Variants in MTUS2 observed in about 807,000 individuals in gnomAD.
MTUS2 encodes the protein microtubule-associated tumor suppressor candidate 2.
Under a neutral mutation model 114.1 loss-of-function variants are expected in MTUS2, and 40 were observed. The ratio of observed to expected loss-of-function variants is 0.35; its 90% CI spans 0.27 to 0.46. The LOEUF (loss-of-function observed/expected upper bound fraction) is 0.46, where lower values mean the gene tolerates loss of function less well. Among genes scored for constraint, MTUS2 ranks in the 20% least tolerant of loss-of-function variants. The probability of loss-of-function intolerance (pLI) is 1.00; values close to 1 mark genes in which losing one functional copy is unlikely to be tolerated. For synonymous variants in MTUS2, 688 were observed against 672.0 expected (o/e 1.02, Z -0.37); for missense variants, 1,679 against 1,705.4 (o/e 0.98, Z 0.27).
chr13:28,906,233 G>T (rs555538192), intron 2 of MTUS2, among the ~76,000 whole-genome samples: 1 of 151,470 alleles, frequency 6.6e-6, no homozygotes, highest in East Asian at 1.9e-4. Context: ...TTTTTGAAGT[G>T]TTTTTTATGT....
intron 8 of MTUS2, among the ~76,000 whole-genome samples, chr13:29,383,442 C>A (rs555155265): frequency 4.1e-4 from 62 of 152,134 alleles, no homozygotes; most frequent in African/African-American, 1.4e-3. Flanking sequence ...GGCCCTGCAG[C>A]AAGAGAGAAT....
At chr13:29,361,599 G>A (rs1228768489) in intron 8 of MTUS2, among the ~76,000 whole-genome samples, 1 of 152,128 alleles carries the variant, frequency 6.6e-6, no homozygotes, top group African/African-American at 2.4e-5. Flanking sequence ...GTGTGACATG[G>A]GGTGGAGAAC....
At chr13:29,301,041 T>C (rs1011147022) in intron 6 of MTUS2, among the ~76,000 whole-genome samples, 3 of 152,190 alleles carry the variant, frequency 2.0e-5, no homozygotes, top group African/African-American at 7.2e-5. Context: ...TCTTTCATCT[T>C]TAACCCACCA....
intron 4 of MTUS2, among the ~76,000 whole-genome samples, chr13:29,098,622 A>G (rs1890281294): frequency 6.6e-6 from 1 of 152,314 alleles, no homozygotes; most frequent in South Asian, 2.1e-4. Flanking sequence ...CCCCGTCTCT[A>G]CATGTTCCAG....
rs147031468 is a variant in MTUS2 at position 29,036,100 on chromosome 13, C to T, written c.2446+1975C>T. Among the ~76,000 whole-genome samples, 5 of 147,818 alleles carry T rather than the reference C, an allele frequency of 3.4e-5. No homozygotes were observed. In the East Asian group the frequency reaches 1.0e-3, roughly 30 times the overall value. On this transcript the variant is annotated intron_variant, in intron 4 of 15. Coordinates refer to ENST00000612955, the MANE Select transcript of MTUS2 (RefSeq NM_001033602.4). Reference sequence around the variant, plus strand: ...CAGAGGCTACAGTGAGCCGAGATCGCACCACTGCACTCCAGCCTGGGCCAC... The same window carrying T: ...CAGAGGCTACAGTGAGCCGAGATCGTACCACTGCACTCCAGCCTGGGCCAC...
At chr13:29,098,876 C>T (rs1006170387) in intron 4 of MTUS2, among the ~76,000 whole-genome samples, 2 of 152,090 alleles carry the variant, frequency 1.3e-5, no homozygotes, top group African/African-American at 4.8e-5. Flanking sequence ...TCATATTCTC[C>T]TCACTCGATT....
chr13:28,820,238 C>T (rs1222244457), upstream of MTUS2: 1 of 146,474 alleles, frequency 6.8e-6, no homozygotes, highest in African/African-American at 2.5e-5. Context: ...CCCGGCTGCG[C>T]CCCGGCCCTC....
chr13:28,868,805 T>A (rs563958462), intron 2 of MTUS2, among the ~76,000 whole-genome samples: 11 of 152,346 alleles, frequency 7.2e-5, no homozygotes, highest in Non-Finnish European at 1.2e-4. Context: ...CAGTTTTATA[T>A]AAGGTCCCTA....
chr13:29,157,372 G>A (rs1427652106), intron 5 of MTUS2, among the ~76,000 whole-genome samples: 2 of 152,054 alleles, frequency 1.3e-5, no homozygotes, highest in Non-Finnish European at 2.9e-5. Flanking sequence ...ACCAGCCCTT[G>A]GTGTTTTTGA....
chr13:29,368,519 A>C (rs565146799), intron 8 of MTUS2, among the ~76,000 whole-genome samples: 103 of 152,316 alleles, frequency 6.8e-4, no homozygotes, highest in African/African-American at 2.4e-3. Flanking sequence ...AGAAATGATA[A>C]ATGTTTGAGG....
At chr13:28,861,872 T>A (rs2138068528) in intron 2 of MTUS2, among the ~76,000 whole-genome samples, 1 of 152,332 alleles carries the variant, frequency 6.6e-6, no homozygotes, top group Non-Finnish European at 1.5e-5. Context: ...CTGGTTTCCC[T>A]GACCCGTCCC....
At chr13:28,985,262 G>A (rs1162016321) in intron 2 of MTUS2, among the ~76,000 whole-genome samples, 1 of 152,154 alleles carries the variant, frequency 6.6e-6, no homozygotes, top group East Asian at 1.9e-4. Flanking sequence ...CTTTGAATCT[G>A]GCTGTATATG....
chr13:29,319,717 C>T (rs1216658362), intron 6 of MTUS2, among the ~76,000 whole-genome samples: 2 of 152,128 alleles, frequency 1.3e-5, no homozygotes, highest in Non-Finnish European at 2.9e-5. Context: ...CAAAGGTCAG[C>T]AGGGGTGCTG....
rs1286268457 is a variant in MTUS2, at chr13:29,496,761, T to G, written c.3580-477T>G. ...AGGAGTTGATTATGGACTTGGTGAT[T>G]AGAAGGTTTGTTGATGTGGGAGGGG... On this transcript the variant is annotated intron_variant, in intron 12 of 15. Transcript: ENST00000612955. The surrounding 1 kb of genome is among the most constrained non-coding windows in gnomAD (Gnocchi z 4.3). Among the ~76,000 whole-genome samples the G allele has an allele frequency of 1.3e-5, 2 of 152,002 alleles. No individual in the cohort carries two copies. Among genetic ancestry groups the G allele is most frequent in the Non-Finnish European group, 2.9e-5 (2 of 67,996 alleles).
At chr13:29,130,153 CAAG>C (rs1315032747) in intron 5 of MTUS2, among the ~76,000 whole-genome samples, 2 of 152,098 alleles carry the variant, frequency 1.3e-5, no homozygotes, top group African/African-American at 4.8e-5. Flanking sequence ...CTGAAGGGAG[CAAG>C]AATATGTGTA....
At chr13:29,147,442 GCTTTA>G (rs1315530525) in intron 5 of MTUS2, among the ~76,000 whole-genome samples, 6 of 152,196 alleles carry the variant, frequency 3.9e-5, no homozygotes, top group African/African-American at 1.2e-4. Context: ...AAAAATTTTA[GCTTTA>G]CTTTTAGATT....
chr13:29,098,729 T>C (rs1389526118), intron 4 of MTUS2, among the ~76,000 whole-genome samples: 2 of 152,240 alleles, frequency 1.3e-5, no homozygotes, highest in African/African-American at 2.4e-5. Context: ...GCTTGTCTTA[T>C]ATAATGATTT....
intron 5 of MTUS2, among the ~76,000 whole-genome samples, chr13:29,163,657 G>T (rs186936912): frequency 2.0e-5 from 3 of 152,188 alleles, no homozygotes; most frequent in Non-Finnish European, 4.4e-5. Flanking sequence ...CCTACAGTTT[G>T]ACTTCATTTC....
Position 29,318,752 on chromosome 13 carries a change from G to A in MTUS2, c.2807-5861G>A, listed in dbSNP as rs780849147. Among the ~76,000 whole-genome samples, 25 of 152,266 alleles carry A rather than the reference G, an allele frequency of 1.6e-4. No individual in the cohort carries two copies. The East Asian group carries it at 2.5e-3, about 15-fold the overall frequency. On this transcript the variant is annotated intron_variant, in intron 6 of 15. Coordinates refer to ENST00000612955, the MANE Select transcript of MTUS2 (RefSeq NM_001033602.4). ...AGCATTGTGGAAGGCCCTTGTCCAC[G>A]GGAGAAACTGAGCTTTTACACTCTC...
Sources: allele counts gnomAD v4.1 joint callset (sites outside exome capture counted in the v4.1 genomes callset), GRCh38; gene constraint gnomAD v4.1.1; non-coding constraint Gnocchi (gnomAD v3.1); transcripts MANE v1.5; gene names NCBI Gene and HGNC (gene_info 2026-07-23, HGNC 2026-07-21).